NCKAP1: variants seen among roughly 807,000 people sequenced by gnomAD.
NCKAP1 encodes the protein NCK associated protein 1.
NCKAP1 carries 21 observed loss-of-function variants against 151.2 expected under a neutral mutation model. The ratio of observed to expected loss-of-function variants is 0.14; its 90% CI spans 0.10 to 0.20. The LOEUF is 0.20. Ranked by LOEUF, NCKAP1 falls within the 10% of genes least tolerant of loss-of-function variation. The probability of loss-of-function intolerance (pLI) is 1.00; values close to 1 mark genes in which losing one functional copy is unlikely to be tolerated. For synonymous variants in NCKAP1, 484 were observed against 451.8 expected, an observed-to-expected ratio of 1.07 and a Z score of -0.90; for missense variants, 933 against 1,352.1, an observed-to-expected ratio of 0.69 and a Z score of 4.86.
intron 24 of NCKAP1, among the ~76,000 whole-genome samples, chr2:182,937,020 C>T (rs1459338105): frequency 2.8e-5 from 4 of 143,140 alleles, no homozygotes; most frequent in Admixed American, 7.6e-5. Flanking sequence ...GAGACTGAGG[C>T]AGGAGAATGT....
At position 182,924,625 on chromosome 2, in the gene NCKAP1, T is replaced by G. The variant is rs1472662797; in HGVS notation, c.*1077A>C. 6.6e-6 allele frequency: 1 copy of G among 152,156 alleles called. No individual in the cohort carries two copies. Among genetic ancestry groups the G allele is most frequent in the Non-Finnish European group, 1.5e-5 (1 of 68,008 alleles). The allele number at this position is 152,156 out of a possible 1,614,324, so 9.4% of individuals were successfully genotyped here. On this transcript the variant is annotated 3_prime_UTR_variant, in exon 31 of 31. Coordinates refer to ENST00000361354, the MANE Select transcript of NCKAP1 (RefSeq NM_013436.5). ...TAACTCTATTTGGTTACAGATAAAA[T>G]GAGCAAGTTGACAGCATACAAGTTT...
chr2:182,945,388 C>T (rs1381679205), intron 23 of NCKAP1, among the ~76,000 whole-genome samples: 1 of 151,538 alleles, frequency 6.6e-6, no homozygotes, highest in African/African-American at 2.4e-5. Context: ...ACAGGGAGAC[C>T]CTGTCTCTTA....
chr2:183,006,145 T>C (rs1698468425), intron 2 of NCKAP1, among the ~76,000 whole-genome samples: 1 of 152,186 alleles, frequency 6.6e-6, no homozygotes, highest in Non-Finnish European at 1.5e-5. Context: ...AATGACAAAC[T>C]TCAAAGACTA....
chr2:183,032,543 A>G (rs966402489), intron 1 of NCKAP1, among the ~76,000 whole-genome samples: 2 of 152,290 alleles, frequency 1.3e-5, no homozygotes, highest in South Asian at 4.1e-4. Context: ...ACATAATGGT[A>G]TGTATTTTTG....
At chr2:183,012,779 A>AT (rs58239552) in intron 2 of NCKAP1, among the ~76,000 whole-genome samples, 17,176 of 127,764 alleles carry the variant, frequency 0.13, 2,227 homozygotes, top group African/African-American at 0.35. Context: ...ACACCTGGCT[A>AT]TTTTTTTTTT....
Position 182,926,809 on chromosome 2 carries a change from G to T in NCKAP1, c.3270+7C>A, listed in dbSNP as rs954248987. 4 of 1,545,838 alleles carry T rather than the reference G, an allele frequency of 2.6e-6. No homozygotes were observed. The Admixed American group carries it at 5.6e-5, about 22-fold the overall frequency. On this transcript the variant is annotated splice_region_variant and intron_variant, in intron 30 of 30. Coordinates refer to ENST00000361354, the MANE Select transcript of NCKAP1 (RefSeq NM_013436.5). ...TTATTGTTAGTAAAAATTAAAATGA[G>T]ACTTACCATATCTAGCAGTAAATAA...
In NCKAP1 at chr2:182,967,229, G is replaced by A; in HGVS notation, c.1615C>T (p.Leu539Phe). 6.2e-7 allele frequency: 1 copy of A among 1,609,254 alleles called. No individual in the cohort carries two copies. Among genetic ancestry groups the A allele is most frequent in the South Asian group, 1.1e-5 (1 of 89,604 alleles). Residue 539 changes from leucine (L) to phenylalanine (F), a missense_variant, in exon 16 of 31, where the codon CTC becomes TTC. Leu to Phe is a conservative substitution (Grantham distance 22). Around this residue, in one of 2 missense-constraint regions of NCKAP1, gnomAD observed 607 missense variants for 795.0 expected, o/e 0.76. Coordinates refer to ENST00000361354, the MANE Select transcript of NCKAP1 (RefSeq NM_013436.5). ...ATTACAACATACCAAAATATGGAGA[G>A]ATCTGATGTTTCCACCAACATTTCC... ...LVEMLVETSD[L>F]SIFCFYSRAF...
At chr2:182,945,641 T>A (rs112252529) in intron 23 of NCKAP1, among the ~76,000 whole-genome samples, 1 of 152,162 alleles carries the variant, frequency 6.6e-6, no homozygotes, top group Non-Finnish European at 1.5e-5. Flanking sequence ...ATGTTTCCTA[T>A]CAAAATGCTC....
rs1298574213 is a variant in NCKAP1, at chr2:182,919,936, G to C, written c.*5766C>G. ...CAAAGTGCTGGGATCACAGGAGTGA[G>C]CCACCGCGTCTGGCCTTAATTATTA... is the stretch of plus-strand genomic sequence containing the variant. On this transcript the variant is annotated 3_prime_UTR_variant, in exon 31 of 31. Transcript: ENST00000361354. 1 of 152,320 alleles carries C rather than the reference G, an allele frequency of 6.6e-6. No individual in the cohort carries two copies. Among genetic ancestry groups the C allele is most frequent in the Non-Finnish European group, 1.5e-5 (1 of 68,204 alleles). The allele number at this position is 152,320 out of a possible 1,614,324, so 9.4% of individuals were successfully genotyped here. A position where few individuals can be genotyped will look rare whatever the true frequency, so the allele number is the denominator to read the frequency against.
At chr2:182,998,936 C>A (rs1018159807) in intron 6 of NCKAP1, among the ~76,000 whole-genome samples, 1 of 149,370 alleles carries the variant, frequency 6.7e-6, no homozygotes, top group Non-Finnish European at 1.5e-5. Context: ...TACACCTATA[C>A]ACCTAACCAA....
In NCKAP1 at chr2:183,038,417, TGGCGGCGGC is replaced by T. The variant is rs879318735; in HGVS notation, c.-327_-319del. ...CCTTCCCCGGCTGCTCCACTAGGTG[TGGCGGCGGC>T]GGCGGCGGCGGCGGCGTCTCCGGCG... On this transcript the variant is annotated 5_prime_UTR_variant, in exon 1 of 31. Transcript: ENST00000361354. The T allele has an allele frequency of 5.0e-4, 104 of 206,406 alleles. No individual in the cohort carries two copies. Among genetic ancestry groups the T allele is most frequent in the African/African-American group, 1.4e-3 (60 of 42,670 alleles). 12.8% of individuals were successfully genotyped at this position (206,406 alleles called of 1,614,324 possible). A position where few individuals can be genotyped will look rare whatever the true frequency, so the allele number is the denominator to read the frequency against.
chr2:183,026,056 C>T (rs1181753254), intron 1 of NCKAP1, among the ~76,000 whole-genome samples: 1 of 152,140 alleles, frequency 6.6e-6, no homozygotes, highest in Non-Finnish European at 1.5e-5. Context: ...GGTTGATAAC[C>T]AAACAAGTAT....
chr2:182,967,087 C>T (rs565834078), intron 16 of NCKAP1, 129 bp downstream of exon 16: 1 of 806,270 alleles, frequency 1.2e-6, no homozygotes, highest in South Asian at 3.1e-5. Flanking sequence ...TAAAAGTCCA[C>T]TATTCCCTTT....
At chr2:183,018,631 T>C (rs770711077) in intron 2 of NCKAP1, among the ~76,000 whole-genome samples, 4 of 152,320 alleles carry the variant, frequency 2.6e-5, no homozygotes, top group Non-Finnish European at 5.9e-5. Context: ...TAATAAGATA[T>C]ATCTGAATAG....
At chr2:183,018,043 G>A (rs927661952) in intron 2 of NCKAP1, among the ~76,000 whole-genome samples, 4 of 152,180 alleles carry the variant, frequency 2.6e-5, no homozygotes, top group Non-Finnish European at 4.4e-5. Flanking sequence ...GAGGTCAGGA[G>A]TTTGAGACCA....
At chr2:182,986,299 T>C (rs1698055409) in intron 9 of NCKAP1, 72 bp from the exon 10 acceptor site, 2 of 1,199,406 alleles carry the variant, frequency 1.7e-6, no homozygotes, top group Non-Finnish European at 2.4e-6. Flanking sequence ...AGTCTAATAC[T>C]AGAAGTCAAT....
At chr2:182,962,948 CTG>C (rs1402207249) in intron 17 of NCKAP1, among the ~76,000 whole-genome samples, 2 of 151,840 alleles carry the variant, frequency 1.3e-5, no homozygotes, top group African/African-American at 2.4e-5. Flanking sequence ...GTATAAAACA[CTG>C]TAAATTTTTG....
At chr2:182,967,440 A>G in intron 15 of NCKAP1, 79 bp from the exon 16 acceptor site, 1 of 1,298,448 alleles carries the variant, frequency 7.7e-7, no homozygotes, top group Non-Finnish European at 1.1e-6. Context: ...GGGGAAAAGC[A>G]TCACTGAAAG....
chr2:182,977,272 TAA>T (rs1389636633), intron 14 of NCKAP1, among the ~76,000 whole-genome samples: 3 of 152,102 alleles, frequency 2.0e-5, no homozygotes, highest in Non-Finnish European at 4.4e-5. Context: ...GTGGGTCACC[TAA>T]GGGTCAGGAG....
Sources: gnomAD v4.1 joint callset for allele counts (sites outside exome capture counted in the v4.1 genomes callset) on GRCh38, gnomAD v4.1.1 for gene constraint, gnomAD v4.1.1 regional missense constraint, MANE v1.5 for transcripts, NCBI Gene and HGNC (gene_info 2026-07-23, HGNC 2026-07-21) for gene names.